MEGF9: variants seen among roughly 807,000 people sequenced by gnomAD.
MEGF9 encodes the protein multiple epidermal growth factor-like domains protein 9.
MEGF9 carries 6 observed loss-of-function variants against 46.8 expected under a neutral mutation model. The ratio of observed to expected loss-of-function variants is 0.13; its 90% CI spans 0.07 to 0.25. MEGF9 has a LOEUF of 0.25. Among genes scored for constraint, MEGF9 ranks in the 10% least tolerant of loss-of-function variants. The pLI is 1.00. For missense variants in MEGF9, 683 were observed against 792.4 expected (o/e 0.86, Z 1.66); for synonymous variants, 302 against 330.7 (o/e 0.91, Z 0.94).
At chr9:120,709,280 G>T (rs1328526598) in intron 1 of MEGF9, among the ~76,000 whole-genome samples, 1 of 152,090 alleles carries the variant, frequency 6.6e-6, no homozygotes, top group Non-Finnish European at 1.5e-5. Context: ...AGCAGGGTGT[G>T]GTGGCATGCA....
At position 120,685,230 on chromosome 9, in the gene MEGF9, T is replaced by C. The variant is rs189383950; in HGVS notation, c.602-25655A>G. Among the ~76,000 whole-genome samples the C allele has an allele frequency of 2.4e-3, 373 of 152,332 alleles. 1 individual carries two copies. The highest frequency in any genetic ancestry group is 8.4e-3 in the African/African-American group (348 of 41,576). ...AATACAGACATAGGATTGCATTCCA[T>C]GTTCCTGACATACTCCTAACCTGCT... is the stretch of plus-strand genomic sequence containing the variant. On this transcript the variant is annotated intron_variant, in intron 1 of 5. Transcript: ENST00000373930.
At position 120,679,391 on chromosome 9, in the gene MEGF9, G is replaced by A. The variant is rs538897477; in HGVS notation, c.602-19816C>T. Among the ~76,000 whole-genome samples, 317 of 150,168 alleles carry A rather than the reference G, an allele frequency of 2.1e-3. 2 individuals are homozygous for A. The highest frequency in any genetic ancestry group is 6.9e-3 in the Middle Eastern group (2 of 288). On this transcript the variant is annotated intron_variant, in intron 1 of 5. Transcript: ENST00000373930. ...TCACAAGGACAGAAAACCAAACACC[G>A]CATGTTCTCACTCATATGTGGGAAT...
chr9:120,627,337 A>G (rs2043529747), intron 2 of MEGF9, among the ~76,000 whole-genome samples: 1 of 152,224 alleles, frequency 6.6e-6, no homozygotes, highest in Admixed American at 6.5e-5. Context: ...TGTTATCAAG[A>G]AAGTCTATTT....
At chr9:120,692,827 C>T (rs1399061190) in intron 1 of MEGF9, among the ~76,000 whole-genome samples, 2 of 152,126 alleles carry the variant, frequency 1.3e-5, no homozygotes, top group African/African-American at 4.8e-5. Context: ...CCTATTTGTT[C>T]TCAAGACTCC....
rs554573751 is a variant in MEGF9 at position 120,612,686 on chromosome 9, C to T, written c.944-147G>A. On this transcript the variant is annotated intron_variant, in intron 3 of 5. Transcript: ENST00000373930. ...AGTTAATTTCTACCCCACCTGATTT[C>T]TATACTGCCATGTCTATGAATTGTG... The T allele has an allele frequency of 4.5e-6, 3 of 671,010 alleles. No individual in the cohort carries two copies. In the African/African-American group the frequency reaches 5.5e-5, roughly 12 times the overall value. 41.6% of individuals were successfully genotyped at this position (671,010 alleles called of 1,614,324 possible).
chr9:120,643,165 G>GA (rs1293568510), intron 2 of MEGF9, among the ~76,000 whole-genome samples: 1 of 151,272 alleles, frequency 6.6e-6, no homozygotes, highest in Non-Finnish European at 1.5e-5. Context: ...ATCCAGGGAG[G>GA]AAAAAAAGCT....
At chr9:120,693,867 A>G (rs1320224646) in intron 1 of MEGF9, among the ~76,000 whole-genome samples, 2 of 152,152 alleles carry the variant, frequency 1.3e-5, no homozygotes, top group Non-Finnish European at 2.9e-5. Context: ...TCTGACTCAT[A>G]ACAGACATCC....
chr9:120,641,419 C>T (rs1414023145), intron 2 of MEGF9, among the ~76,000 whole-genome samples: 2 of 152,142 alleles, frequency 1.3e-5, no homozygotes, highest in Non-Finnish European at 2.9e-5. Flanking sequence ...TGAATAGGGC[C>T]TCTTTAGCTT....
intron 2 of MEGF9, among the ~76,000 whole-genome samples, chr9:120,642,332 T>C (rs1324473): frequency 0.6 from 90,583 of 152,118 alleles, 29,383 homozygotes; most frequent in South Asian, 0.75. Flanking sequence ...TACATTGAGA[T>C]GCTCACACTG....
At chr9:120,637,093 C>T (rs1461664932) in intron 2 of MEGF9, among the ~76,000 whole-genome samples, 1 of 152,182 alleles carries the variant, frequency 6.6e-6, no homozygotes, top group Non-Finnish European at 1.5e-5. Flanking sequence ...AAAAATTCTG[C>T]CTTGGGATGC....
chr9:120,652,478 T>TAAAA (rs57268783), intron 2 of MEGF9, among the ~76,000 whole-genome samples: 4 of 85,622 alleles, frequency 4.7e-5, no homozygotes, highest in African/African-American at 9.1e-5. Flanking sequence ...GATCTTGTCT[T>TAAAA]AAAAAAAAAA....
At chr9:120,640,878 TC>T (rs2043599971) in intron 2 of MEGF9, among the ~76,000 whole-genome samples, 1 of 109,606 alleles carries the variant, frequency 9.1e-6, no homozygotes, top group Non-Finnish European at 1.9e-5. Flanking sequence ...CTTCTAGTAG[TC>T]CCCAGTGTCT....
chr9:120,652,141 A>AGC lies in MEGF9; in HGVS notation c.803+7231_803+7232dup, dbSNP rs1345667367. 8.9e-4 allele frequency among the ~76,000 whole-genome samples: 105 copies of AGC among 117,788 alleles called. 1 individual carries two copies. The highest frequency in any genetic ancestry group is 3.3e-3 in the African/African-American group (102 of 30,884). The allele number at this position is 117,788 out of a possible 152,430, so 77.3% of individuals were successfully genotyped here. On this transcript the variant is annotated intron_variant, in intron 2 of 5. Transcript: ENST00000373930. ...ATTCCTCAGTTAAAACAAACAAACA[A>AGC]GCACACACACACACACACACACACA... is the stretch of plus-strand genomic sequence containing the variant.
chr9:120,624,213 AT>A (rs879894453), intron 2 of MEGF9, among the ~76,000 whole-genome samples: 6 of 151,936 alleles, frequency 3.9e-5, no homozygotes, highest in African/African-American at 7.3e-5. Context: ...ACCATGCTTT[AT>A]TTTTTCCTGG....
chr9:120,667,541 T>G (rs926154596), intron 1 of MEGF9, among the ~76,000 whole-genome samples: 1 of 152,034 alleles, frequency 6.6e-6, no homozygotes, highest in Admixed American at 6.6e-5. Context: ...GGAAAATGCA[T>G]GTAAATATAA....
At chr9:120,686,186 T>C (rs940103703) in intron 1 of MEGF9, among the ~76,000 whole-genome samples, 5 of 150,486 alleles carry the variant, frequency 3.3e-5, no homozygotes, top group African/African-American at 1.2e-4. Flanking sequence ...GCCTCCCAGG[T>C]TCATGCCATT....
intron 1 of MEGF9, among the ~76,000 whole-genome samples, chr9:120,707,490 A>G (rs753274284): frequency 6.6e-6 from 1 of 152,188 alleles, no homozygotes; most frequent in Non-Finnish European, 1.5e-5. Context: ...CTCCCAATTC[A>G]CTGGAATGTA....
rs764115864 is a variant in MEGF9 at position 120,605,355 on chromosome 9, G to T, written c.1644C>A (p.Ala548=). ...YREYQNRKLN[A]PFWTIELKED... is the part of the protein sequence containing the mutation. ...CTTTCAGCTCGATGGTCCAAAAGGG[G>T]GCATTGAGTTTCCGGTTTTGGTACT... Residue 548 remains alanine, a synonymous_variant, in exon 6 of 6, where the codon GCC becomes GCA. Transcript: ENST00000373930. The surrounding 1 kb of genome is among the most constrained non-coding windows in gnomAD (Gnocchi z 4.0). The T allele has an allele frequency of 2.5e-6, 4 of 1,613,990 alleles. No homozygotes were observed. The East Asian group carries it at 8.9e-5, about 36-fold the overall frequency.
At chr9:120,680,386 G>T (rs1449985922) in intron 1 of MEGF9, among the ~76,000 whole-genome samples, 1 of 152,154 alleles carries the variant, frequency 6.6e-6, no homozygotes, top group Non-Finnish European at 1.5e-5. Flanking sequence ...ACTTATACAG[G>T]TACCGCCTTG....
Sources: gnomAD v4.1 joint callset for allele counts (sites outside exome capture counted in the v4.1 genomes callset) on GRCh38, gnomAD v4.1.1 for gene constraint, Gnocchi (gnomAD v3.1) non-coding constraint, MANE v1.5 for transcripts, NCBI Gene and HGNC (gene_info 2026-07-23, HGNC 2026-07-21) for gene names.